Variants in SPAG16 observed in about 807,000 individuals in gnomAD.
SPAG16 encodes sperm associated antigen 16, also known as sperm-associated antigen 16 protein.
Under a neutral mutation model 80.4 loss-of-function variants are expected in SPAG16, and 86 were observed. That is an observed-to-expected ratio of 1.07 (90% CI 0.90 to 1.28). SPAG16 has a LOEUF of 1.28. Among genes scored for constraint, SPAG16 ranks in the 50% most tolerant of loss-of-function variants. SPAG16 has a pLI of 0.00. For missense variants in SPAG16, 870 were observed against 765.3 expected, an observed-to-expected ratio of 1.14 and a Z score of -1.61; for synonymous variants, 294 against 265.9, an observed-to-expected ratio of 1.11 and a Z score of -1.03.
intron 10 of SPAG16, among the ~76,000 whole-genome samples, chr2:213,519,244 ATACCCTTACTTT>A (rs1188915819): frequency 1.3e-5 from 2 of 152,230 alleles, no homozygotes; most frequent in South Asian, 2.1e-4. Flanking sequence ...CTACTGATTC[ATACCCTTACTTT>A]TAAAAAAGTT....
At chr2:214,047,849 C>T (rs1026793173) in intron 13 of SPAG16, among the ~76,000 whole-genome samples, 1 of 151,996 alleles carries the variant, frequency 6.6e-6, no homozygotes, top group Non-Finnish European at 1.5e-5. Flanking sequence ...ATAAAAAATT[C>T]TAATACTCTG....
At position 213,438,794 on chromosome 2, in the gene SPAG16, G is replaced by C. The variant is rs142442358; in HGVS notation, c.943-51169G>C. Among the ~76,000 whole-genome samples the C allele has an allele frequency of 3.7e-4, 56 of 152,278 alleles. No individual in the cohort carries two copies. The East Asian group carries it at 7.3e-3, about 20-fold the overall frequency. Reference sequence around the variant, plus strand: ...TAATGAAAAGAGGCTATCTTGCATAGGTCTAACCTAATCAGATGCATTTTT... The same window carrying C: ...TAATGAAAAGAGGCTATCTTGCATACGTCTAACCTAATCAGATGCATTTTT... On this transcript the variant is annotated intron_variant, in intron 9 of 15. Transcript: ENST00000331683.
chr2:213,608,529 T>C (rs966312840), intron 10 of SPAG16, among the ~76,000 whole-genome samples: 1 of 152,250 alleles, frequency 6.6e-6, no homozygotes, highest in African/African-American at 2.4e-5. Flanking sequence ...CTGCATAGTA[T>C]TCCATGGTGT....
At chr2:213,322,347 A>T (rs1007112740) in intron 5 of SPAG16, among the ~76,000 whole-genome samples, 6 of 119,800 alleles carry the variant, frequency 5.0e-5, no homozygotes, top group Admixed American at 9.3e-5. Context: ...AAAAAAAAAA[A>T]AAAAAAAAAC....
intron 14 of SPAG16, among the ~76,000 whole-genome samples, chr2:214,143,378 T>A (rs2125545342): frequency 6.6e-6 from 1 of 152,138 alleles, no homozygotes; most frequent in East Asian, 1.9e-4. Context: ...AGGTATTTTT[T>A]AAGACCATCT....
At chr2:213,920,466 A>G (rs1305505493) in intron 11 of SPAG16, among the ~76,000 whole-genome samples, 1 of 152,174 alleles carries the variant, frequency 6.6e-6, no homozygotes, top group East Asian at 1.9e-4. Flanking sequence ...CATGTTGGCA[A>G]TGTGATATAT....
intron 9 of SPAG16, among the ~76,000 whole-genome samples, chr2:213,431,499 A>G (rs1435203705): frequency 7.5e-6 from 1 of 132,996 alleles, no homozygotes; most frequent in Admixed American, 7.0e-5. Context: ...AGAAACTGTA[A>G]AAAAAAAGAA....
intron 15 of SPAG16, among the ~76,000 whole-genome samples, chr2:214,194,967 G>A (rs1010824271): frequency 5.3e-5 from 8 of 151,968 alleles, no homozygotes; most frequent in East Asian, 1.9e-4. Context: ...AAAACATAGC[G>A]TGGCCCTCAT....
chr2:213,388,567 A>G (rs974435260), intron 9 of SPAG16, among the ~76,000 whole-genome samples: 1 of 152,162 alleles, frequency 6.6e-6, no homozygotes, highest in Admixed American at 6.5e-5. Context: ...ATAACAATAA[A>G]TTTTTTTAAA....
intron 14 of SPAG16, among the ~76,000 whole-genome samples, chr2:214,120,156 C>T (rs569039839): frequency 6.6e-6 from 1 of 151,670 alleles, no homozygotes; most frequent in African/African-American, 2.4e-5. Flanking sequence ...TTAGGAATTC[C>T]TTTTATATCT....
chr2:214,062,667 CTT>C (rs36069141), intron 13 of SPAG16, among the ~76,000 whole-genome samples: 7 of 122,764 alleles, frequency 5.7e-5, no homozygotes, highest in Admixed American at 1.8e-4. Context: ...ATAGCCTCCT[CTT>C]TTTTTTTTTT....
rs1223499550 is a variant in SPAG16, at chr2:213,674,538, C to T, written c.1070+184448C>T. 4.0e-5 allele frequency among the ~76,000 whole-genome samples: 6 copies of T among 149,656 alleles called. 1 individual carries two copies. The highest frequency in any genetic ancestry group is 1.5e-4 in the African/African-American group (6 of 39,078). Reference sequence around the variant, plus strand: ...TCCCAATGCTATCCCTCCCCCTTTCCCCCACCCCACAACAGTCCCCAGAGT... The same window carrying T: ...TCCCAATGCTATCCCTCCCCCTTTCTCCCACCCCACAACAGTCCCCAGAGT... On this transcript the variant is annotated intron_variant, in intron 10 of 15. Transcript: ENST00000331683.
intron 13 of SPAG16, among the ~76,000 whole-genome samples, chr2:214,103,247 G>A (rs888017218): frequency 6.6e-6 from 1 of 152,084 alleles, no homozygotes; most frequent in African/African-American, 2.4e-5. Context: ...CTGGCTAATA[G>A]ATTAAATATC....
intron 9 of SPAG16, among the ~76,000 whole-genome samples, chr2:213,481,163 C>T (rs2073729825): frequency 6.6e-6 from 1 of 152,048 alleles, no homozygotes; most frequent in Non-Finnish European, 1.5e-5. Context: ...GTAGAGATTA[C>T]AGAATTGTTT....
intron 13 of SPAG16, among the ~76,000 whole-genome samples, chr2:214,058,701 G>A (rs113168579): frequency 4.1e-4 from 62 of 152,212 alleles, no homozygotes; most frequent in Non-Finnish European, 8.2e-4. Flanking sequence ...ACAATAAAAT[G>A]AGATATGCAT....
At chr2:214,076,969 CT>C (rs1307517664) in intron 13 of SPAG16, among the ~76,000 whole-genome samples, 2 of 152,032 alleles carry the variant, frequency 1.3e-5, no homozygotes, top group Admixed American at 1.3e-4. Flanking sequence ...GAAATGGAAG[CT>C]TTGGAAATGA....
chr2:213,314,544 A>G (rs1575165183), intron 4 of SPAG16, among the ~76,000 whole-genome samples: 1 of 151,992 alleles, frequency 6.6e-6, no homozygotes, highest in South Asian at 2.1e-4. Context: ...ATGAGCCTGA[A>G]GTCATCTTTC....
rs546991746 is a variant in SPAG16, at chr2:213,356,699, C to T, written c.762+6054C>T. 7.9e-5 allele frequency among the ~76,000 whole-genome samples: 12 copies of T among 152,222 alleles called. No individual in the cohort carries two copies. In the East Asian group the frequency reaches 1.7e-3, roughly 22 times the overall value. On this transcript the variant is annotated intron_variant, in intron 7 of 15. Coordinates refer to ENST00000331683, the MANE Select transcript of SPAG16 (RefSeq NM_024532.5). ...TATTGTTGATCTTTCAAAAAGCCAG[C>T]TCCTGGCTACTTTGATTTTTTGAAG...
intron 10 of SPAG16, among the ~76,000 whole-genome samples, chr2:213,747,910 C>A (rs553238487): frequency 3.9e-5 from 6 of 152,288 alleles, no homozygotes; most frequent in African/African-American, 1.4e-4. Flanking sequence ...CATATTCTGT[C>A]ATTCAGAAGT....
Sources: gnomAD v4.1 joint callset for allele counts (sites outside exome capture counted in the v4.1 genomes callset) on GRCh38, gnomAD v4.1.1 for gene constraint, MANE v1.5 for transcripts, NCBI Gene and HGNC (gene_info 2026-07-23, HGNC 2026-07-21) for gene names.